Variants in NAALADL2 observed in about 807,000 individuals in gnomAD.
NAALADL2 encodes the protein N-acetylated alpha-linked acidic dipeptidase like 2.
NAALADL2 carries 76 observed loss-of-function variants against 87.2 expected under a neutral mutation model. That is an observed-to-expected ratio of 0.87 (90% CI 0.72 to 1.05). The LOEUF (loss-of-function observed/expected upper bound fraction) is 1.05, where lower values mean the gene tolerates loss of function less well. Ranked by LOEUF, NAALADL2 falls within the 50% of genes least tolerant of loss-of-function variation. The probability of loss-of-function intolerance (pLI) is 0.00; values close to 1 mark genes in which losing one functional copy is unlikely to be tolerated. For synonymous variants in NAALADL2, 354 were observed against 331.0 expected, an observed-to-expected ratio of 1.07 and a Z score of -0.75; for missense variants, 1,089 against 945.8, an observed-to-expected ratio of 1.15 and a Z score of -1.99.
chr3:175,233,982 G>T lies in NAALADL2; in HGVS notation c.597G>T (p.Lys199Asn). 2 of 1,608,636 alleles carry T rather than the reference G, an allele frequency of 1.2e-6. No individual in the cohort carries two copies. Among genetic ancestry groups the T allele is most frequent in the Non-Finnish European group, 1.7e-6 (2 of 1,175,232 alleles). The change falls in exon 3 of 14, where the codon AAG becomes AAT. Residue 199 changes from lysine (K) to asparagine (N), a missense_variant. Lys to Asn is a moderately conservative substitution (Grantham distance 94). Transcript: ENST00000454872. Reference protein sequence around the residue: ...KNEDDMEISKKIKTQWTSLGL... With the variant: ...KNEDDMEISKNIKTQWTSLGL... ...AAGATGACATGGAAATTTCAAAGAA[G>T]ATTAAGACTCAGTGGACCTCTTTGG... is the stretch of plus-strand genomic sequence containing the variant.
rs373871830 is a variant in NAALADL2, at chr3:175,755,297, G to C, written c.2068G>C (p.Glu690Gln). 1 of 1,613,568 alleles carries C rather than the reference G, an allele frequency of 6.2e-7. No homozygotes were observed. The highest frequency in any genetic ancestry group is 1.3e-5 in the African/African-American group (1 of 74,904). Residue 690 changes from glutamate (E) to glutamine (Q), a missense_variant, in exon 13 of 14, where the codon GAG (glutamate) becomes CAG (glutamine). Transcript: ENST00000454872. ...RESAELFQSD[E>Q]MRPANDPKER... ...GAGTGCTGAACTTTTTCAGTCTGAT[G>C]AGATGCGACCTGCTAATGATCCCAA...
intron 10 of NAALADL2, among the ~76,000 whole-genome samples, chr3:175,577,487 A>T (rs1467020239): frequency 6.6e-6 from 1 of 152,206 alleles, no homozygotes; most frequent in Non-Finnish European, 1.5e-5. Flanking sequence ...GATGAGGATC[A>T]GCTGGAGGAT....
chr3:175,050,133 G>A (rs1755184583), intron 1 of NAALADL2, among the ~76,000 whole-genome samples: 1 of 152,150 alleles, frequency 6.6e-6, no homozygotes, highest in South Asian at 2.1e-4. Context: ...GGGATGAAGT[G>A]GCATCCTGTC....
At chr3:174,767,420 T>A (rs1441199299) in intron 3 of NAALADL2, among the ~76,000 whole-genome samples, 2 of 152,210 alleles carry the variant, frequency 1.3e-5, no homozygotes, top group Admixed American at 1.3e-4. Flanking sequence ...ACTGCCTTTA[T>A]CAGGTGATAT....
chr3:174,669,986 ATTC>A (rs1726371834), intron 2 of NAALADL2, among the ~76,000 whole-genome samples: 1 of 151,792 alleles, frequency 6.6e-6, no homozygotes, highest in Non-Finnish European at 1.5e-5. Context: ...TAAGTATTTT[ATTC>A]TTTTTGACTG....
intron 11 of NAALADL2, among the ~76,000 whole-genome samples, chr3:175,652,368 C>T (rs76153418): frequency 0.048 from 7,229 of 152,092 alleles, 260 homozygotes; most frequent in South Asian, 0.16. Context: ...GTGTTAGCAA[C>T]AACTCTCCCC....
chr3:175,160,922 A>G (rs972553877), intron 2 of NAALADL2, among the ~76,000 whole-genome samples: 1 of 150,900 alleles, frequency 6.6e-6, no homozygotes. Context: ...CTGTATCAGT[A>G]TATTTGTATT....
intron 1 of NAALADL2, among the ~76,000 whole-genome samples, chr3:174,546,375 G>A (rs1440868537): frequency 6.6e-6 from 1 of 152,162 alleles, no homozygotes; most frequent in East Asian, 1.9e-4. Flanking sequence ...TTTGGAGGAG[G>A]TGAGAAGAGG....
intron 2 of NAALADL2, among the ~76,000 whole-genome samples, chr3:175,199,222 C>T (rs1331006435): frequency 1.3e-5 from 2 of 152,052 alleles, no homozygotes; most frequent in East Asian, 3.9e-4. Flanking sequence ...GTTCTCAGCT[C>T]AAGTGTGGCT....
At position 175,314,694 on chromosome 3, in the gene NAALADL2, A is replaced by ATATAGTTCTAAC. The variant is rs1553857580; in HGVS notation, c.940-9477_940-9476insGTTCTAACTATA. Reference sequence around the variant, plus strand: ...TATATATATATATATATATATATATATATATATATATATATATATATATAT... The same window carrying ATATAGTTCTAAC: ...TATATATATATATATATATATATATATATAGTTCTAACTATATATATATATATATATATATAT... On this transcript the variant is annotated intron_variant, in intron 4 of 13. Coordinates refer to ENST00000454872, the MANE Select transcript of NAALADL2 (RefSeq NM_207015.3). Among the ~76,000 whole-genome samples the ATATAGTTCTAAC allele has an allele frequency of 3.1e-3, 253 of 82,728 alleles. 4 individuals are homozygous for ATATAGTTCTAAC. Among genetic ancestry groups the ATATAGTTCTAAC allele is most frequent in the East Asian group, 9.8e-3 (19 of 1,942 alleles). The allele number at this position is 82,728 out of a possible 152,430, so 54.3% of individuals were successfully genotyped here.
chr3:174,691,033 AGTTAT>A (rs1728525902), intron 2 of NAALADL2, among the ~76,000 whole-genome samples: 2 of 152,182 alleles, frequency 1.3e-5, no homozygotes, highest in Admixed American at 1.3e-4. Context: ...CGCATATAAA[AGTTAT>A]GTTATGCTAT....
chr3:175,510,415 C>T (rs918137901), intron 9 of NAALADL2, among the ~76,000 whole-genome samples: 1 of 152,130 alleles, frequency 6.6e-6, no homozygotes, highest in Non-Finnish European at 1.5e-5. Flanking sequence ...TTCATTCCCA[C>T]ATGAATGAGA....
intron 5 of NAALADL2, among the ~76,000 whole-genome samples, chr3:175,343,738 C>T (rs574551277): frequency 7.8e-4 from 106 of 135,738 alleles, no homozygotes; most frequent in African/African-American, 2.6e-3. Context: ...GAAGAATTGA[C>T]AATGAAAATA....
chr3:175,244,587 C>T (rs1465617781), intron 3 of NAALADL2, among the ~76,000 whole-genome samples: 1 of 152,090 alleles, frequency 6.6e-6, no homozygotes, highest in Non-Finnish European at 1.5e-5. Context: ...CCAATCCCAT[C>T]GCTATAAAAA....
intron 3 of NAALADL2, among the ~76,000 whole-genome samples, chr3:174,758,081 C>G (rs1712376347): frequency 6.6e-6 from 1 of 152,200 alleles, no homozygotes; most frequent in Non-Finnish European, 1.5e-5. Flanking sequence ...AAGCAGAGAA[C>G]TGCAGGTCAT....
chr3:175,631,662 A>G (rs1727786190), intron 11 of NAALADL2, among the ~76,000 whole-genome samples: 1 of 151,964 alleles, frequency 6.6e-6, no homozygotes. Flanking sequence ...CTTATCTCCT[A>G]TAATTACATT....
chr3:174,533,146 T>TTGTA (rs1377248386), intron 1 of NAALADL2, among the ~76,000 whole-genome samples: 1 of 109,934 alleles, frequency 9.1e-6, no homozygotes, highest in Non-Finnish European at 1.8e-5. Context: ...TTAGTTTAGG[T>TTGTA]TGTATGACCC....
intron 3 of NAALADL2, among the ~76,000 whole-genome samples, chr3:175,247,895 C>T (rs375963875): frequency 1.3e-5 from 2 of 152,076 alleles, no homozygotes; most frequent in East Asian, 1.9e-4. Context: ...GATTGGGTCC[C>T]GATGATCTAA....
intron 2 of NAALADL2, among the ~76,000 whole-genome samples, chr3:174,672,109 C>T (rs1726608181): frequency 6.6e-6 from 1 of 152,034 alleles, no homozygotes; most frequent in African/African-American, 2.4e-5. Context: ...GCAAGAGACA[C>T]CTATGATTCA....
Sources: allele counts gnomAD v4.1 joint callset (sites outside exome capture counted in the v4.1 genomes callset), GRCh38; gene constraint gnomAD v4.1.1; transcripts MANE v1.5; gene names NCBI Gene and HGNC (gene_info 2026-07-23, HGNC 2026-07-21).